GLIS3: variants seen among roughly 807,000 people sequenced by gnomAD.
GLIS3 encodes zinc finger protein GLIS3.
In GLIS3, 53 loss-of-function variants were observed where a neutral mutation model predicts 78.6. The ratio of observed to expected loss-of-function variants is 0.67; its 90% CI spans 0.54 to 0.85. The LOEUF is 0.85. GLIS3 is among the 40% of genes least tolerant of loss of function. The pLI is 0.00. For missense variants in GLIS3, 1,703 were observed against 1,231.1 expected, an observed-to-expected ratio of 1.38 and a Z score of -5.74; for synonymous variants, 684 against 509.9, an observed-to-expected ratio of 1.34 and a Z score of -4.60.
chr9:4,182,748 CTAA>C (rs1186783867), intron 2 of GLIS3, among the ~76,000 whole-genome samples: 3 of 152,292 alleles, frequency 2.0e-5, no homozygotes, highest in African/African-American at 7.2e-5. Context: ...TTAGCTACCA[CTAA>C]TGTCTTGAAA....
chr9:4,153,292 G>A (rs1382101579), intron 2 of GLIS3, among the ~76,000 whole-genome samples: 3 of 152,198 alleles, frequency 2.0e-5, no homozygotes, highest in Admixed American at 6.5e-5. Flanking sequence ...GGCTGTGCAT[G>A]GTGGCTCACA....
At chr9:4,121,620 G>GACAC (rs767610111) in intron 3 of GLIS3, among the ~76,000 whole-genome samples, 10,493 of 142,072 alleles carry the variant, frequency 0.074, 365 homozygotes, top group Admixed American at 0.092. Context: ...TTCTCCCAGT[G>GACAC]ACACACACAC....
chr9:4,182,049 A>G (rs1258021174), intron 2 of GLIS3, among the ~76,000 whole-genome samples: 1 of 152,214 alleles, frequency 6.6e-6, no homozygotes, highest in Non-Finnish European at 1.5e-5. Context: ...GAAGATGCAA[A>G]TGCATCCATT....
chr9:4,231,870 G>C (rs1219624921), intron 2 of GLIS3, among the ~76,000 whole-genome samples: 1 of 152,124 alleles, frequency 6.6e-6, no homozygotes, highest in African/African-American at 2.4e-5. Context: ...TTAATGGAAG[G>C]CCTGCAACAA....
At chr9:4,093,096 C>T (rs980291743) in intron 4 of GLIS3, among the ~76,000 whole-genome samples, 1 of 152,084 alleles carries the variant, frequency 6.6e-6, no homozygotes, top group South Asian at 2.1e-4. Context: ...GTGGCACATG[C>T]CTGCATGTAT....
intron 6 of GLIS3, among the ~76,000 whole-genome samples, chr9:3,919,248 G>A (rs1001497567): frequency 1.1e-4 from 16 of 152,342 alleles, no homozygotes; most frequent in African/African-American, 2.2e-4. Flanking sequence ...AAATCAGACC[G>A]CCATAGTCAG....
chr9:4,318,261 C>A (rs1817469521), intron 2 of GLIS3, among the ~76,000 whole-genome samples: 1 of 151,976 alleles, frequency 6.6e-6, no homozygotes, highest in Non-Finnish European at 1.5e-5. Context: ...CAGGATGAAC[C>A]CACAAATTTA....
intron 2 of GLIS3, among the ~76,000 whole-genome samples, chr9:4,233,448 T>A (rs1289514358): frequency 1.3e-5 from 2 of 152,228 alleles, no homozygotes; most frequent in Admixed American, 1.3e-4. Context: ...AGCTCTTCAG[T>A]AACCAGGTGC....
intron 2 of GLIS3, chr9:4,285,647 G>A (rs1038158470): frequency 9.6e-5 from 19 of 197,168 alleles, no homozygotes; most frequent in Non-Finnish European, 3.2e-5. Flanking sequence ...GACAGTTCCA[G>A]TCGGTCTTCT....
In GLIS3 at chr9:4,089,288, T is replaced by C. The variant is rs114815917; in HGVS notation, c.1710+28480A>G. Among the ~76,000 whole-genome samples, 968 of 152,276 alleles carry C rather than the reference T, an allele frequency of 6.4e-3. 12 individuals are homozygous for C. Among genetic ancestry groups the C allele is most frequent in the African/African-American group, 0.022 (917 of 41,560 alleles). ...TGAAAATTGCTGTTTAATGTTGGTA[T>C]ATCTCAAAACTGAAAAATGAAGATG... On this transcript the variant is annotated intron_variant, in intron 4 of 10. Transcript: ENST00000381971.
At chr9:4,199,691 G>A (rs1226210320) in intron 2 of GLIS3, among the ~76,000 whole-genome samples, 1 of 151,938 alleles carries the variant, frequency 6.6e-6, no homozygotes, top group Admixed American at 6.6e-5. Flanking sequence ...AAGACTTAGA[G>A]AGCATTATAA....
At chr9:3,910,196 C>T (rs1354383168) in intron 6 of GLIS3, among the ~76,000 whole-genome samples, 1 of 152,176 alleles carries the variant, frequency 6.6e-6, no homozygotes, top group Non-Finnish European at 1.5e-5. Flanking sequence ...AGAATAACTG[C>T]TCACAGTCTC....
intron 2 of GLIS3, among the ~76,000 whole-genome samples, chr9:4,334,507 C>G (rs1442173499): frequency 6.6e-6 from 1 of 152,218 alleles, no homozygotes; most frequent in Admixed American, 6.5e-5. Flanking sequence ...CAAGCTAGGG[C>G]AGACTTTTCT....
chr9:3,952,814 G>A (rs1206636993), intron 4 of GLIS3, among the ~76,000 whole-genome samples: 1 of 152,088 alleles, frequency 6.6e-6, no homozygotes, highest in East Asian at 1.9e-4. Flanking sequence ...TAGCACATCT[G>A]GGATGGGGTC....
chr9:4,019,729 T>C (rs1480979758), intron 4 of GLIS3, among the ~76,000 whole-genome samples: 1 of 152,160 alleles, frequency 6.6e-6, no homozygotes, highest in African/African-American at 2.4e-5. Flanking sequence ...ATTTTATTTT[T>C]ATTTTTATTT....
At chr9:4,219,568 A>C (rs732958) in intron 2 of GLIS3, among the ~76,000 whole-genome samples, 134,095 of 152,198 alleles carry the variant, frequency 0.88, 59,422 homozygotes, top group Non-Finnish European at 0.93. Context: ...GATCATTCAA[A>C]TATTTGGAAC....
intron 4 of GLIS3, among the ~76,000 whole-genome samples, chr9:4,000,939 A>T (rs988976600): frequency 1.3e-5 from 2 of 152,202 alleles, no homozygotes; most frequent in African/African-American, 4.8e-5. Context: ...GTACTTTCAC[A>T]AAGCTATATG....
Position 4,118,942 on chromosome 9 carries a change from T to C in GLIS3, c.597-61A>G. 6.5e-7 allele frequency: 1 copy of C among 1,537,242 alleles called. No individual in the cohort carries two copies. The highest frequency in any genetic ancestry group is 1.2e-5 in the South Asian group (1 of 85,870). ...ATAAACATTTTAGCAGGATACGGAT[T>C]GCTTAAGAGCTAAAAGAACACTGCA... On this transcript the variant is annotated intron_variant, in intron 3 of 10. Transcript: ENST00000381971. This position sits in a 1 kb window ranked among gnomAD's most constrained non-coding sequence, Gnocchi z 4.7.
chr9:4,098,366 G>C (rs10974331), intron 4 of GLIS3, among the ~76,000 whole-genome samples: 1 of 152,140 alleles, frequency 6.6e-6, no homozygotes, highest in South Asian at 2.1e-4. Context: ...ATAATGAATG[G>C]AGGAGTAGAA....
Sources: allele counts gnomAD v4.1 joint callset (sites outside exome capture counted in the v4.1 genomes callset), GRCh38; gene constraint gnomAD v4.1.1; non-coding constraint Gnocchi (gnomAD v3.1); transcripts MANE v1.5; gene names NCBI Gene and HGNC (gene_info 2026-07-23, HGNC 2026-07-21).